Variants in NLGN4Y observed in about 807,000 individuals in gnomAD.
NLGN4Y encodes the protein neuroligin-4, Y-linked.
Under a neutral mutation model 8.4 loss-of-function variants are expected in NLGN4Y, and 4 were observed. That is an observed-to-expected ratio of 0.48 (90% CI 0.23 to 1.09). NLGN4Y has a LOEUF of 1.09. Ranked by LOEUF, NLGN4Y falls within the 50% of genes least tolerant of loss-of-function variation. The pLI is 0.19. For missense variants in NLGN4Y, 90 were observed against 192.3 expected (o/e 0.47, Z 3.15); for synonymous variants, 35 against 75.6 (o/e 0.46, Z 2.78).
At chrY:14,574,889 C>A (rs1294178500) in intron 1 of NLGN4Y, among the ~76,000 whole-genome samples, 3 of 33,311 alleles carry the variant, frequency 9.0e-5, no homozygotes, top group Non-Finnish European at 2.2e-4. Flanking sequence ...GTTGAAAATT[C>A]TTTTCTTTAA....
intron 4 of NLGN4Y, among the ~76,000 whole-genome samples, chrY:14,740,726 A>G: frequency 2.9e-5 from 1 of 33,961 alleles, no homozygotes; most frequent in Admixed American, 2.7e-4. Context: ...TTTATTTTCA[A>G]TTATTAAGCT....
At chrY:14,816,671 A>G (rs767175562) in intron 4 of NLGN4Y, among the ~76,000 whole-genome samples, 1 of 33,928 alleles carries the variant, frequency 2.9e-5, no homozygotes, top group East Asian at 7.9e-4. Context: ...TTACATCACT[A>G]TGGCATAACC....
At chrY:14,590,469 G>A in intron 1 of NLGN4Y, among the ~76,000 whole-genome samples, 1 of 33,692 alleles carries the variant, frequency 3.0e-5, no homozygotes, top group African/African-American at 1.2e-4. Context: ...TCCTTCAGAG[G>A]GGAACTCTCT....
chrY:14,729,027 A>C, intron 4 of NLGN4Y, among the ~76,000 whole-genome samples: 1 of 33,683 alleles, frequency 3.0e-5, no homozygotes, highest in East Asian at 7.8e-4. Context: ...GCAATATTGC[A>C]ATGGACATGG....
At chrY:14,525,077 T>G in intron 1 of NLGN4Y, 1 of 90,325 alleles carries the variant, frequency 1.1e-5, no homozygotes, top group African/African-American at 1.1e-4. Flanking sequence ...ACAGGGCCCT[T>G]TGTACCCGGA....
chrY:14,577,692 G>A, intron 1 of NLGN4Y, among the ~76,000 whole-genome samples: 1 of 34,012 alleles, frequency 2.9e-5, no homozygotes, highest in African/African-American at 1.1e-4. Context: ...AGGTCCTTGA[G>A]GAATCACCAC....
At chrY:14,775,744 C>T (rs2081123200) in intron 4 of NLGN4Y, among the ~76,000 whole-genome samples, 1 of 32,401 alleles carries the variant, frequency 3.1e-5, no homozygotes, top group South Asian at 6.9e-4. Context: ...AAATGTTTTC[C>T]CTCTTCCTGC....
intron 2 of NLGN4Y, among the ~76,000 whole-genome samples, chrY:14,650,785 C>T (rs2080627152): frequency 6.2e-5 from 2 of 32,475 alleles, no homozygotes; most frequent in Non-Finnish European, 1.5e-4. Flanking sequence ...TATAGGGCAC[C>T]GACACAGGGT....
At chrY:14,837,385 C>T (rs779981864) in intron 6 of NLGN4Y, among the ~76,000 whole-genome samples, 1 of 33,327 alleles carries the variant, frequency 3.0e-5, no homozygotes, top group African/African-American at 1.2e-4. Context: ...TAGAAATGCA[C>T]TTGAGTCTCT....
chrY:14,675,342 C>A (rs2080745158), intron 2 of NLGN4Y, among the ~76,000 whole-genome samples: 3 of 33,090 alleles, frequency 9.1e-5, no homozygotes, highest in Non-Finnish European at 2.2e-4. Context: ...AGTCTCCAAG[C>A]ACTGAGTATC....
At chrY:14,639,816 C>A in intron 2 of NLGN4Y, 2 of 132,236 alleles carry the variant, frequency 1.5e-5, no homozygotes, top group Non-Finnish European at 3.1e-5. Context: ...TTTCAGCACT[C>A]TCAAAGAGTG....
At chrY:14,693,508 G>A in intron 2 of NLGN4Y, among the ~76,000 whole-genome samples, 1 of 32,715 alleles carries the variant, frequency 3.1e-5, no homozygotes, top group Non-Finnish European at 7.5e-5. Context: ...CTGCAACCTT[G>A]AAATCCTCAG....
At chrY:14,656,462 C>A (rs2080651782) in intron 2 of NLGN4Y, among the ~76,000 whole-genome samples, 2 of 30,763 alleles carry the variant, frequency 6.5e-5, no homozygotes, top group East Asian at 1.7e-3. Context: ...GGGTGCAGGC[C>A]TGTAGTCCTA....
At position 14,560,563 on chromosome Y, in the gene NLGN4Y, G is replaced by A; in HGVS notation, c.-112+35855G>A. ...CAACTGGCCTCAGTACTTTAGGTAA[G>A]GGATTTTAATTTGTCCTTTGGTTTA... is the stretch of plus-strand genomic sequence containing the variant. On this transcript the variant is annotated intron_variant, in intron 1 of 6. Transcript: ENST00000684976. 9.0e-5 allele frequency among the ~76,000 whole-genome samples: 3 copies of A among 33,353 alleles called. No individual in the cohort carries two copies. The South Asian group carries it at 2.0e-3, about 22-fold the overall frequency. 89.5% of individuals were successfully genotyped at this position (33,353 alleles called of 37,273 possible). A position where few individuals can be genotyped will look rare whatever the true frequency, so the allele number is the denominator to read the frequency against.
In NLGN4Y at chrY:14,785,690, G is replaced by T. The variant is rs770191633; in HGVS notation, c.686-38498G>T. On this transcript the variant is annotated intron_variant, in intron 4 of 6. Coordinates refer to ENST00000684976, the MANE Select transcript of NLGN4Y (RefSeq NM_001365588.1). ...GAAGCAGGAGAATGGCGTGAACCTG[G>T]GAGGCGGAGCTTGTAGTGAGCTGAG... Among the ~76,000 whole-genome samples, 4 of 30,008 alleles carry T rather than the reference G, an allele frequency of 1.3e-4. No homozygotes were observed. In the East Asian group the frequency reaches 3.4e-3, roughly 26 times the overall value. The allele number at this position is 30,008 out of a possible 37,273, so 80.5% of individuals were successfully genotyped here. A position where few individuals can be genotyped will look rare whatever the true frequency, so the allele number is the denominator to read the frequency against.
In NLGN4Y at chrY:14,616,328, TTC is replaced by T. The variant is rs1323655085; in HGVS notation, c.-111-5675_-111-5674del. 4.3e-3 allele frequency among the ~76,000 whole-genome samples: 144 copies of T among 33,495 alleles called. No homozygotes were observed. In the East Asian group the frequency reaches 0.063, roughly 15 times the overall value. The allele number at this position is 33,495 out of a possible 37,273, so 89.9% of individuals were successfully genotyped here. A position where few individuals can be genotyped will look rare whatever the true frequency, so the allele number is the denominator to read the frequency against. On this transcript the variant is annotated intron_variant, in intron 1 of 6. Transcript: ENST00000684976. ...TTTTTTTATTGCATCTATTTGATTC[TTC>T]TCTCTTTTTTTCTTTATTAGTCTTG... is the stretch of plus-strand genomic sequence containing the variant.
intron 4 of NLGN4Y, among the ~76,000 whole-genome samples, chrY:14,783,115 A>C: frequency 3.0e-5 from 1 of 33,888 alleles, no homozygotes; most frequent in African/African-American, 1.2e-4. Flanking sequence ...CTTAACATAA[A>C]GTTCACAGGC....
chrY:14,548,893 T>G, intron 1 of NLGN4Y, among the ~76,000 whole-genome samples: 1 of 33,366 alleles, frequency 3.0e-5, no homozygotes, highest in Non-Finnish European at 7.4e-5. Context: ...CTTGAGTCAC[T>G]TCTCTTCCTT....
chrY:14,586,800 C>T, intron 1 of NLGN4Y, among the ~76,000 whole-genome samples: 2 of 32,585 alleles, frequency 6.1e-5, no homozygotes, highest in Admixed American at 2.8e-4. Context: ...TGCATTCCAG[C>T]CTAGCAACAG....
Sources: gnomAD v4.1 joint callset for allele counts (sites outside exome capture counted in the v4.1 genomes callset) on GRCh38, gnomAD v4.1.1 for gene constraint, MANE v1.5 for transcripts, NCBI Gene and HGNC (gene_info 2026-07-23, HGNC 2026-07-21) for gene names.